SMAD2: variants seen among roughly 807,000 people sequenced by gnomAD.
SMAD2 encodes SMAD family member 2.
SMAD2 carries 8 observed loss-of-function variants against 64.4 expected under a neutral mutation model. The ratio of observed to expected loss-of-function variants is 0.12; its 90% CI spans 0.07 to 0.22. The LOEUF (loss-of-function observed/expected upper bound fraction) is 0.22, where lower values mean the gene tolerates loss of function less well. SMAD2 is among the 10% of genes least tolerant of loss of function. SMAD2 has a pLI of 1.00. For synonymous variants in SMAD2, 203 were observed against 195.8 expected (o/e 1.04, Z -0.31); for missense variants, 289 against 561.2 (o/e 0.51, Z 4.90).
rs942259516 is a variant in SMAD2, at chr18:47,927,805, A to G, written c.-54+2556T>C. Among the ~76,000 whole-genome samples, 6 of 152,352 alleles carry G rather than the reference A, an allele frequency of 3.9e-5. No individual in the cohort carries two copies. In the East Asian group the frequency reaches 1.2e-3, roughly 29 times the overall value. ...TCCCAGCTACTCAGGAGGCTGAGGCAGGAGAAGCGCTTGAACCCAGGAGGC... is the reference window on the plus strand; with the variant it reads ...TCCCAGCTACTCAGGAGGCTGAGGCGGGAGAAGCGCTTGAACCCAGGAGGC... On this transcript the variant is annotated intron_variant, in intron 1 of 10. Coordinates refer to ENST00000262160, the MANE Select transcript of SMAD2 (RefSeq NM_005901.6).
Position 47,813,566 on chromosome 18 carries a change from C to T in SMAD2, c.*28261G>A, listed in dbSNP as rs763504164. On this transcript the variant is annotated 3_prime_UTR_variant, in exon 11 of 11. Coordinates refer to ENST00000262160, the MANE Select transcript of SMAD2 (RefSeq NM_005901.6). ...GGATTACAGGCACACACCACCACAC[C>T]CGGCTAATTTTCTGCATTTTTAGTA... 2 of 151,974 alleles carry T rather than the reference C, an allele frequency of 1.3e-5. No homozygotes were observed. The highest frequency in any genetic ancestry group is 2.9e-5 in the Non-Finnish European group (2 of 68,092). The allele number at this position is 151,974 out of a possible 1,614,324, so 9.4% of individuals were successfully genotyped here.
Position 47,837,259 on chromosome 18 carries a change from T to C in SMAD2, c.*4568A>G, listed in dbSNP as rs1346162735. ...TTCAAAGGAGAGAAACATTCTGATA[T>C]ATGCAGATAAAAATATGGCTAGGCT... On this transcript the variant is annotated 3_prime_UTR_variant, in exon 11 of 11. Transcript: ENST00000262160. The C allele has an allele frequency of 1.0e-5, 2 of 195,864 alleles. No homozygotes were observed. The highest frequency in any genetic ancestry group is 2.1e-5 in the Non-Finnish European group (2 of 94,318). 12.1% of individuals were successfully genotyped at this position (195,864 alleles called of 1,614,324 possible).
intron 4 of SMAD2, 143 bp downstream of exon 4, chr18:47,869,100 T>C: frequency 1.6e-6 from 1 of 628,674 alleles, no homozygotes; most frequent in South Asian, 2.1e-5. Context: ...AAAAAAATTT[T>C]AATTACCACC....
intron 1 of SMAD2, among the ~76,000 whole-genome samples, chr18:47,928,409 T>C (rs921849822): frequency 1.3e-5 from 2 of 152,202 alleles, no homozygotes; most frequent in African/African-American, 4.8e-5. Flanking sequence ...GTAAAGATTA[T>C]AGCAACATGA....
At position 47,836,746 on chromosome 18, in the gene SMAD2, T is replaced by TA. The variant is rs146897233; in HGVS notation, c.*5080dup. 8,090 of 220,906 alleles carry TA rather than the reference T, an allele frequency of 0.037. 191 individuals carry two copies. The highest frequency in any genetic ancestry group is 0.054 in the Non-Finnish European group (5,939 of 110,358). The allele number at this position is 220,906 out of a possible 1,614,324, so 13.7% of individuals were successfully genotyped here. On this transcript the variant is annotated 3_prime_UTR_variant, in exon 11 of 11. Transcript: ENST00000262160. ...CAAAAAATTACATGAACACACGAGA[T>TA]AAGTTCTTATCGTAAATGCTATCAT...
chr18:47,855,435 A>G (rs374999492), intron 6 of SMAD2, among the ~76,000 whole-genome samples: 1 of 152,196 alleles, frequency 6.6e-6, no homozygotes, highest in Non-Finnish European at 1.5e-5. Context: ...AGAAATCACC[A>G]AACTGTCTTC....
intron 1 of SMAD2, among the ~76,000 whole-genome samples, chr18:47,911,563 A>C (rs1426909942): frequency 6.6e-6 from 1 of 152,196 alleles, no homozygotes; most frequent in Non-Finnish European, 1.5e-5. Flanking sequence ...GGAATGCCAC[A>C]TAACAATACT....
chr18:47,848,898 A>C (rs1185569930), intron 7 of SMAD2, among the ~76,000 whole-genome samples: 2 of 152,154 alleles, frequency 1.3e-5, no homozygotes, highest in Non-Finnish European at 2.9e-5. Flanking sequence ...CATAGATCAT[A>C]CCAGATTTTT....
At position 47,877,746 on chromosome 18, in the gene SMAD2, G is replaced by A. The variant is rs192585881; in HGVS notation, c.237-7182C>T. Among the ~76,000 whole-genome samples, 997 of 151,542 alleles carry A rather than the reference G, an allele frequency of 6.6e-3. 11 individuals are homozygous for A. The highest frequency in any genetic ancestry group is 0.022 in the African/African-American group (913 of 41,470). On this transcript the variant is annotated intron_variant, in intron 2 of 10. Coordinates refer to ENST00000262160, the MANE Select transcript of SMAD2 (RefSeq NM_005901.6). ...ACAATCCTGATTGAGAAATAAGTAGGTGCAAATGATTTTTTAAGTTGCTGC... is the reference window on the plus strand; with the variant it reads ...ACAATCCTGATTGAGAAATAAGTAGATGCAAATGATTTTTTAAGTTGCTGC...
At chr18:47,911,594 C>T (rs2034137759) in intron 1 of SMAD2, among the ~76,000 whole-genome samples, 1 of 152,070 alleles carries the variant, frequency 6.6e-6, no homozygotes, top group Admixed American at 6.5e-5. Flanking sequence ...CCTTGGGAGT[C>T]CAACTAGGGT....
intron 6 of SMAD2, among the ~76,000 whole-genome samples, chr18:47,857,478 ATAGT>A (rs917777501): frequency 6.6e-6 from 1 of 152,216 alleles, no homozygotes; most frequent in African/African-American, 2.4e-5. Flanking sequence ...AGTTCCCCTT[ATAGT>A]TAGTATGTAG....
chr18:47,865,202 G>C (rs1168191731), intron 5 of SMAD2, 69 bp from the exon 6 acceptor site: 2 of 823,500 alleles, frequency 2.4e-6, no homozygotes, highest in South Asian at 1.4e-5. Context: ...TCAGCTACCA[G>C]AGATAACCAA....
At chr18:47,893,429 AATTT>A (rs2033299365) in intron 2 of SMAD2, among the ~76,000 whole-genome samples, 1 of 152,236 alleles carries the variant, frequency 6.6e-6, no homozygotes. Flanking sequence ...AAAATTAAGC[AATTT>A]GTTTCCCGTT....
intron 1 of SMAD2, chr18:47,912,418 G>C (rs920200259): frequency 6.6e-6 from 1 of 152,172 alleles, no homozygotes; most frequent in African/African-American, 2.4e-5. Flanking sequence ...TCACTATTAG[G>C]AATGAGGAAA....
chr18:47,918,916 G>A (rs972582553), intron 1 of SMAD2, among the ~76,000 whole-genome samples: 1 of 152,058 alleles, frequency 6.6e-6, no homozygotes, highest in Non-Finnish European at 1.5e-5. Flanking sequence ...GCAGAGTAGG[G>A]GAGTCAAATA....
At chr18:47,852,713 T>C (rs1215714751) in intron 6 of SMAD2, among the ~76,000 whole-genome samples, 2 of 152,120 alleles carry the variant, frequency 1.3e-5, no homozygotes, top group Non-Finnish European at 2.9e-5. Context: ...CTGGAGTCAG[T>C]TCTGGTAAAT....
chr18:47,846,781 C>T lies in SMAD2; in HGVS notation c.998-981G>A, dbSNP rs181681007. ...TGGCCTTGTTAAACCCTGAAAAGAC[C>T]GCCTAACCCATGTCTGGACTCCTGA... On this transcript the variant is annotated intron_variant, in intron 8 of 10. Transcript: ENST00000262160. 8.5e-5 allele frequency among the ~76,000 whole-genome samples: 13 copies of T among 152,202 alleles called. No individual in the cohort carries two copies. In the East Asian group the frequency reaches 9.7e-4, roughly 11 times the overall value.
intron 3 of SMAD2, 34 bp downstream of exon 3, chr18:47,870,441 A>G (rs2144383615): frequency 1.3e-6 from 2 of 1,491,126 alleles, no homozygotes; most frequent in South Asian, 2.3e-5. Context: ...CTCCCACAAG[A>G]TCTCTAAGAT....
intron 1 of SMAD2, among the ~76,000 whole-genome samples, chr18:47,914,708 C>T (rs1345087979): frequency 6.6e-6 from 1 of 152,124 alleles, no homozygotes; most frequent in Non-Finnish European, 1.5e-5. Context: ...GTTATTTGTT[C>T]ACACTTAACA....
Sources: gnomAD v4.1 joint callset for allele counts (sites outside exome capture counted in the v4.1 genomes callset) on GRCh38, gnomAD v4.1.1 for gene constraint, MANE v1.5 for transcripts, NCBI Gene and HGNC (gene_info 2026-07-23, HGNC 2026-07-21) for gene names.